SORCS2: variants seen among roughly 807,000 people sequenced by gnomAD.
The protein encoded by SORCS2 is sortilin related VPS10 domain containing receptor 2, also known as VPS10 domain-containing receptor SorCS2.
A neutral mutation model predicts 141.6 loss-of-function variants in SORCS2; 100 were observed. The observed-to-expected ratio is 0.71, with a 90% confidence interval of 0.60 to 0.83. The LOEUF (loss-of-function observed/expected upper bound fraction) is 0.83, where lower values mean the gene tolerates loss of function less well. Among genes scored for constraint, SORCS2 ranks in the 40% least tolerant of loss-of-function variants. The pLI is 0.00. For synonymous variants in SORCS2, 789 were observed against 676.9 expected (o/e 1.17, Z -2.57); for missense variants, 1,646 against 1,560.2 (o/e 1.05, Z -0.93).
chr4:7,675,483 C>T (rs948941420), intron 8 of SORCS2, among the ~76,000 whole-genome samples: 17 of 152,344 alleles, frequency 1.1e-4, no homozygotes, highest in Admixed American at 2.6e-4. Flanking sequence ...GATGAATCCA[C>T]GGTGCCTCCC....
At chr4:7,339,005 G>T (rs1291981127) in intron 1 of SORCS2, among the ~76,000 whole-genome samples, 2 of 152,230 alleles carry the variant, frequency 1.3e-5, no homozygotes, top group Non-Finnish European at 2.9e-5. Flanking sequence ...GCAGGGCAGA[G>T]CCTGCCAGGG....
At chr4:7,730,005 A>G (rs1228290827) in intron 23 of SORCS2, among the ~76,000 whole-genome samples, 4 of 152,148 alleles carry the variant, frequency 2.6e-5, no homozygotes, top group Non-Finnish European at 5.9e-5. Context: ...AGATGGTCAC[A>G]TGGCCCCAAC....
intron 1 of SORCS2, among the ~76,000 whole-genome samples, chr4:7,236,873 G>A (rs1712316750): frequency 6.6e-6 from 1 of 152,242 alleles, no homozygotes; most frequent in South Asian, 2.1e-4. Context: ...GAGCCACCAT[G>A]CCCAGTCATT....
chr4:7,274,568 C>T (rs1348135068), intron 1 of SORCS2, among the ~76,000 whole-genome samples: 1 of 152,120 alleles, frequency 6.6e-6, no homozygotes. Flanking sequence ...CACTTTTAAA[C>T]AACCAGATCG....
chr4:7,584,189 T>G (rs1046651092), intron 3 of SORCS2, among the ~76,000 whole-genome samples: 6 of 152,332 alleles, frequency 3.9e-5, no homozygotes, highest in South Asian at 2.1e-4. Context: ...TAAATCATTA[T>G]TAGTAGTAGT....
At chr4:7,650,092 AT>A (rs1265249887) in intron 4 of SORCS2, among the ~76,000 whole-genome samples, 1 of 152,172 alleles carries the variant, frequency 6.6e-6, no homozygotes, top group Non-Finnish European at 1.5e-5. Context: ...TGGTCAAATG[AT>A]TCATTCTAGA....
intron 2 of SORCS2, among the ~76,000 whole-genome samples, chr4:7,512,729 C>T (rs993924285): frequency 1.1e-4 from 16 of 152,078 alleles, no homozygotes; most frequent in South Asian, 1.0e-3. Context: ...AGGAGTCAGC[C>T]GCCTCCTCAC....
intron 2 of SORCS2, among the ~76,000 whole-genome samples, chr4:7,424,677 CCA>C (rs1309496790): frequency 6.6e-6 from 1 of 152,210 alleles, no homozygotes; most frequent in Admixed American, 6.5e-5. Flanking sequence ...GCTCCCCAGC[CCA>C]GAGTCCCTGT....
chr4:7,234,871 G>A (rs2108781074), intron 1 of SORCS2, among the ~76,000 whole-genome samples: 1 of 152,386 alleles, frequency 6.6e-6, no homozygotes, highest in Non-Finnish European at 1.5e-5. Flanking sequence ...TGCAGTTCAG[G>A]GGACAGACTC....
chr4:7,262,208 A>T (rs1445376306), intron 1 of SORCS2, among the ~76,000 whole-genome samples: 5 of 118,970 alleles, frequency 4.2e-5, no homozygotes, highest in African/African-American at 1.7e-4. Context: ...CCATCCATCC[A>T]CCCACCCACC....
chr4:7,393,678 T>G (rs13140337), intron 1 of SORCS2, among the ~76,000 whole-genome samples: 39,123 of 152,044 alleles, frequency 0.26, 5,517 homozygotes, highest in African/African-American at 0.36. Flanking sequence ...CCTGGGGCAT[T>G]GCGGGGGTTG....
At chr4:7,519,033 G>T (rs1733159610) in intron 2 of SORCS2, among the ~76,000 whole-genome samples, 1 of 152,180 alleles carries the variant, frequency 6.6e-6, no homozygotes, top group Non-Finnish European at 1.5e-5. Flanking sequence ...CATCCCAGCT[G>T]GCTGGCATGG....
intron 2 of SORCS2, among the ~76,000 whole-genome samples, chr4:7,416,365 G>C (rs141483106): frequency 6.6e-6 from 1 of 152,308 alleles, no homozygotes; most frequent in Non-Finnish European, 1.5e-5. Context: ...CCAGGACACA[G>C]TTGAGTGCAA....
At chr4:7,258,323 G>A (rs547587424) in intron 1 of SORCS2, among the ~76,000 whole-genome samples, 5 of 152,144 alleles carry the variant, frequency 3.3e-5, no homozygotes, top group East Asian at 1.9e-4. Context: ...GACAGGCCCC[G>A]GTGTGTGATG....
chr4:7,642,727 G>C (rs2108875982), intron 4 of SORCS2, among the ~76,000 whole-genome samples: 1 of 152,296 alleles, frequency 6.6e-6, no homozygotes, highest in South Asian at 2.1e-4. Context: ...CTGGGGCTCT[G>C]TGGGTGCCCA....
intron 2 of SORCS2, among the ~76,000 whole-genome samples, chr4:7,527,987 G>A (rs533982374): frequency 3.9e-5 from 6 of 152,098 alleles, no homozygotes. Flanking sequence ...TGGCATCGCT[G>A]CTCCCGGCTG....
chr4:7,513,778 G>A lies in SORCS2; in HGVS notation c.549-17752G>A, dbSNP rs1026323712. The stretch of plus-strand genomic sequence containing the variant: ...ACGACTTAACTCGTAATTTTCAAGC[G>A]CTTAAAGGCATCTTGTCATTATTTA... On this transcript the variant is annotated intron_variant, in intron 2 of 26. Coordinates refer to ENST00000507866, the MANE Select transcript of SORCS2 (RefSeq NM_020777.3). Among the ~76,000 whole-genome samples the A allele has an allele frequency of 2.2e-4, 33 of 152,310 alleles. 1 individual carries two copies. The highest frequency in any genetic ancestry group is 6.2e-4 in the South Asian group (3 of 4,830).
intron 1 of SORCS2, among the ~76,000 whole-genome samples, chr4:7,259,229 A>G (rs1314903660): frequency 6.6e-6 from 1 of 152,186 alleles, no homozygotes; most frequent in Admixed American, 6.5e-5. Context: ...ACACAGATGT[A>G]TCTCATTTAA....
chr4:7,372,392 C>T (rs191004004), intron 1 of SORCS2, among the ~76,000 whole-genome samples: 23 of 152,268 alleles, frequency 1.5e-4, no homozygotes, highest in African/African-American at 5.5e-4. Flanking sequence ...CTGCAACCTC[C>T]GTCCCCTGGG....
Sources: allele counts gnomAD v4.1 joint callset (sites outside exome capture counted in the v4.1 genomes callset), GRCh38; gene constraint gnomAD v4.1.1; transcripts MANE v1.5; gene names NCBI Gene and HGNC (gene_info 2026-07-23, HGNC 2026-07-21).